The following RAP1GAP2 variants were observed in gnomAD, a reference collection of about 807,000 sequenced individuals.
RAP1GAP2 encodes the protein rap1 GTPase-activating protein 2.
A neutral mutation model predicts 95.0 loss-of-function variants in RAP1GAP2; 27 were observed. That is an observed-to-expected ratio of 0.28 (90% CI 0.21 to 0.39). RAP1GAP2 has a LOEUF of 0.39. Among genes scored for constraint, RAP1GAP2 ranks in the 10% least tolerant of loss-of-function variants. The pLI is 1.00. For missense variants in RAP1GAP2, 771 were observed against 970.0 expected, an observed-to-expected ratio of 0.79 and a Z score of 2.72; for synonymous variants, 373 against 380.9, an observed-to-expected ratio of 0.98 and a Z score of 0.24.
At chr17:2,820,543 A>G (rs2070241790) in intron 2 of RAP1GAP2, among the ~76,000 whole-genome samples, 1 of 150,780 alleles carries the variant, frequency 6.6e-6, no homozygotes, top group African/African-American at 2.4e-5. Flanking sequence ...TCACTTGAAG[A>G]CGGGAGGCAG....
Position 2,857,604 on chromosome 17 carries a change from C to T in RAP1GAP2, c.81-47680C>T, listed in dbSNP as rs368719515. Among the ~76,000 whole-genome samples, 143 of 152,202 alleles carry T rather than the reference C, an allele frequency of 9.4e-4. 1 individual carries two copies. The highest frequency in any genetic ancestry group is 3.2e-3 in the African/African-American group (132 of 41,546). Reference sequence around the variant, plus strand: ...ACATGGGATCCTGTAAAAGCAGTGGCGTGTCTGAGAGGGGATTGGGTTTGA... The same window carrying T: ...ACATGGGATCCTGTAAAAGCAGTGGTGTGTCTGAGAGGGGATTGGGTTTGA... On this transcript the variant is annotated intron_variant, in intron 2 of 24. Coordinates refer to ENST00000254695, the MANE Select transcript of RAP1GAP2 (RefSeq NM_015085.5). The surrounding 1 kb of genome is among the most constrained non-coding windows in gnomAD (Gnocchi z 4.0).
Position 3,003,435 on chromosome 17 carries a change from C to T in RAP1GAP2, c.1201-1934C>T, listed in dbSNP as rs2046230998. On this transcript the variant is annotated intron_variant, in intron 14 of 24. Transcript: ENST00000254695. The surrounding 1 kb of genome is among the most constrained non-coding windows in gnomAD (Gnocchi z 4.1). Reference sequence around the variant, plus strand: ...GGTGTCAGGAATCTCAGGTGAAGCCCACCGCCGGGGAGGGCCCTGTCTTTG... The same window carrying T: ...GGTGTCAGGAATCTCAGGTGAAGCCTACCGCCGGGGAGGGCCCTGTCTTTG... Among the ~76,000 whole-genome samples, 2 of 152,164 alleles carry T rather than the reference C, an allele frequency of 1.3e-5. No individual in the cohort carries two copies. The highest frequency in any genetic ancestry group is 1.3e-4 in the Admixed American group (2 of 15,280).
intron 9 of RAP1GAP2, 98 bp downstream of exon 9, chr17:2,980,463 T>G (rs2045316133): frequency 8.0e-7 from 1 of 1,255,152 alleles, no homozygotes; most frequent in South Asian, 1.2e-5. Context: ...GGCTCAGCCC[T>G]TAGAGAAGGG....
chr17:2,853,844 C>T, intron 2 of RAP1GAP2: 2 of 882,324 alleles, frequency 2.3e-6, no homozygotes, highest in Non-Finnish European at 2.7e-6. Flanking sequence ...GCGCGGTCAC[C>T]TGACCCCCGG....
At chr17:3,031,653 T>C (rs1174322687) in intron 23 of RAP1GAP2, among the ~76,000 whole-genome samples, 3 of 148,106 alleles carry the variant, frequency 2.0e-5, no homozygotes, top group African/African-American at 7.5e-5. Flanking sequence ...GGCTGGTTCC[T>C]GGGTCCCCCA....
intron 2 of RAP1GAP2, among the ~76,000 whole-genome samples, chr17:2,847,072 G>A (rs773148549): frequency 1.3e-5 from 2 of 151,932 alleles, no homozygotes; most frequent in Non-Finnish European, 2.9e-5. Context: ...GCAGTGGCGC[G>A]ATCTCGGCTC....
chr17:2,875,939 T>C (rs1441419475), intron 2 of RAP1GAP2, among the ~76,000 whole-genome samples: 2 of 139,332 alleles, frequency 1.4e-5, no homozygotes, highest in South Asian at 5.3e-4. Context: ...TTTGTTTGTT[T>C]GTTTGTTTTT....
chr17:2,800,501 T>C lies in RAP1GAP2; in HGVS notation c.45-14T>C. On this transcript the variant is annotated splice_polypyrimidine_tract_variant and intron_variant, in intron 1 of 24. Coordinates refer to ENST00000254695, the MANE Select transcript of RAP1GAP2 (RefSeq NM_015085.5). ...CCTCAGCACTGACCGGAGCCCTTGC[T>C]TTTCTCTTGGCAGGATCGACAAGAC... The C allele has an allele frequency of 6.2e-7, 1 of 1,611,930 alleles. No individual in the cohort carries two copies. The highest frequency in any genetic ancestry group is 8.5e-7 in the Non-Finnish European group (1 of 1,179,038).
rs1392716016 is a variant in RAP1GAP2, at chr17:2,902,573, C to T, written c.81-2711C>T. The stretch of plus-strand genomic sequence containing the variant: ...ATGCCTTCTGCCCACCCTGGCACCC[C>T]CTCTGGAGTCCTGGACACAGCGCTG... On this transcript the variant is annotated intron_variant, in intron 2 of 24. Coordinates refer to ENST00000254695, the MANE Select transcript of RAP1GAP2 (RefSeq NM_015085.5). The surrounding 1 kb of genome is among the most constrained non-coding windows in gnomAD (Gnocchi z 4.1). 6.6e-6 allele frequency among the ~76,000 whole-genome samples: 1 copy of T among 152,166 alleles called. No individual in the cohort carries two copies. The highest frequency in any genetic ancestry group is 1.5e-5 in the Non-Finnish European group (1 of 68,030).
chr17:2,956,132 T>C (rs1272751231), intron 3 of RAP1GAP2, among the ~76,000 whole-genome samples: 2 of 152,216 alleles, frequency 1.3e-5, no homozygotes, highest in Non-Finnish European at 2.9e-5. Context: ...AGCCTGGAGA[T>C]GGTAAGAATG....
intron 1 of RAP1GAP2, among the ~76,000 whole-genome samples, chr17:2,785,044 G>C (rs150095044): frequency 6.6e-6 from 1 of 152,142 alleles, no homozygotes; most frequent in Non-Finnish European, 1.5e-5. Context: ...ATCCCCCTGC[G>C]GCATCATCCC....
chr17:2,814,162 T>C (rs2069897910), intron 2 of RAP1GAP2, among the ~76,000 whole-genome samples: 1 of 152,032 alleles, frequency 6.6e-6, no homozygotes, highest in South Asian at 2.1e-4. Flanking sequence ...TACTGATTGA[T>C]TTGTGGGCTT....
intron 1 of RAP1GAP2, among the ~76,000 whole-genome samples, chr17:2,784,173 CTG>C (rs2068720292): frequency 6.6e-6 from 1 of 151,980 alleles, no homozygotes; most frequent in Admixed American, 6.6e-5. Context: ...GAGGGTTTCA[CTG>C]TGTTAGCCAG....
At chr17:2,808,703 G>A (rs532914468) in intron 2 of RAP1GAP2, among the ~76,000 whole-genome samples, 6 of 152,324 alleles carry the variant, frequency 3.9e-5, no homozygotes, top group African/African-American at 9.6e-5. Context: ...CAGGTGGGTC[G>A]AGGAGAATGT....
At chr17:2,979,006 T>TA (rs71377563) in intron 8 of RAP1GAP2, among the ~76,000 whole-genome samples, 25,548 of 151,272 alleles carry the variant, frequency 0.17, 2,275 homozygotes, top group Admixed American at 0.21. Flanking sequence ...ATAAAAAAAA[T>TA]AAAAAAATTC....
At chr17:2,868,356 C>T (rs1217993892) in intron 2 of RAP1GAP2, among the ~76,000 whole-genome samples, 2 of 152,126 alleles carry the variant, frequency 1.3e-5, no homozygotes, top group East Asian at 1.9e-4. Context: ...GGCAGAGGAG[C>T]GGCCTCAGGA....
intron 3 of RAP1GAP2, among the ~76,000 whole-genome samples, chr17:2,936,363 T>C (rs2043311408): frequency 6.7e-6 from 1 of 150,150 alleles, no homozygotes; most frequent in Non-Finnish European, 1.5e-5. Context: ...TGTCAGAGTG[T>C]GGTCACACTG....
chr17:2,976,344 A>G (rs372007822), intron 8 of RAP1GAP2, among the ~76,000 whole-genome samples: 2 of 152,334 alleles, frequency 1.3e-5, no homozygotes, highest in East Asian at 3.9e-4. Context: ...ACACATTTCA[A>G]ATAATATCAT....
upstream of RAP1GAP2, among the ~76,000 whole-genome samples, chr17:2,795,079 T>C (rs942053656): frequency 2.0e-5 from 3 of 152,022 alleles, no homozygotes; most frequent in Admixed American, 6.6e-5. Flanking sequence ...GGTTTCACCA[T>C]GTTGGCCAGG....
Sources: gnomAD v4.1 joint callset for allele counts (sites outside exome capture counted in the v4.1 genomes callset) on GRCh38, gnomAD v4.1.1 for gene constraint, Gnocchi (gnomAD v3.1) non-coding constraint, MANE v1.5 for transcripts, NCBI Gene and HGNC (gene_info 2026-07-23, HGNC 2026-07-21) for gene names.